TAS2R1: variants seen among roughly 807,000 people sequenced by gnomAD.
The protein encoded by TAS2R1 is taste 2 receptor member 1.
For missense variants in TAS2R1, 370 were observed against 353.4 expected (o/e 1.05, Z -0.38); for synonymous variants, 141 against 134.2 (o/e 1.05, Z -0.35).
rs1739778032 is a variant in TAS2R1 at position 9,627,511 on chromosome 5, G to C, written c.*1622C>G. Among the ~76,000 whole-genome samples, 1 of 152,054 alleles carries C rather than the reference G, an allele frequency of 6.6e-6. No homozygotes were observed. Among genetic ancestry groups the C allele is most frequent in the Admixed American group, 6.6e-5 (1 of 15,264 alleles). ...TAGTATCAGAAAAAAAAACACATGA[G>C]AGTTGTATCATGACAAATTTCTCCC... On this transcript the variant is annotated 3_prime_UTR_variant, in exon 1 of 1. Transcript: ENST00000382492.
chr5:9,893,546 A>G, the TAS2R1 span, among the ~76,000 whole-genome samples: 1 of 152,164 alleles, frequency 6.6e-6, no homozygotes, highest in South Asian at 2.1e-4. Context: ...TCCACTTCAA[A>G]ATTTTTTTTA....
the TAS2R1 span, among the ~76,000 whole-genome samples, chr5:9,857,049 C>T: frequency 2.6e-5 from 4 of 152,228 alleles, no homozygotes; most frequent in South Asian, 8.3e-4. Context: ...ACAAACATTG[C>T]ATGTTCTCAC....
At chr5:9,902,869 C>A in the TAS2R1 span, 8 of 151,284 alleles carry the variant, frequency 5.3e-5, no homozygotes, top group African/African-American at 1.9e-4. Flanking sequence ...CGGTGGCTAT[C>A]GGAGAAAAAA....
At chr5:9,748,922 AC>A in the TAS2R1 span, among the ~76,000 whole-genome samples, 1 of 152,150 alleles carries the variant, frequency 6.6e-6, no homozygotes, top group South Asian at 2.1e-4. Flanking sequence ...CCTCCCAAAC[AC>A]CAAAAATACC....
the TAS2R1 span, among the ~76,000 whole-genome samples, chr5:9,771,302 G>A: frequency 6.6e-6 from 1 of 152,056 alleles, no homozygotes; most frequent in Admixed American, 6.6e-5. Flanking sequence ...TCATTCTGTT[G>A]ATATGATGTA....
the TAS2R1 span, among the ~76,000 whole-genome samples, chr5:9,762,804 A>C: frequency 2.2e-4 from 34 of 152,196 alleles, no homozygotes; most frequent in Admixed American, 2.2e-3. Flanking sequence ...TGCAATTTGT[A>C]AGAGTTCCCT....
At chr5:9,674,433 T>C (rs544606037) in intron 1 of TAS2R1, among the ~76,000 whole-genome samples, 3 of 152,256 alleles carry the variant, frequency 2.0e-5, no homozygotes, top group South Asian at 2.1e-4. Flanking sequence ...AATGTTTATA[T>C]AAAAATTATA....
At chr5:9,819,984 T>C in the TAS2R1 span, among the ~76,000 whole-genome samples, 2 of 151,976 alleles carry the variant, frequency 1.3e-5, no homozygotes, top group Non-Finnish European at 2.9e-5. Context: ...CCATGAAACA[T>C]AAAGAGACCC....
At chr5:9,780,690 T>TGTGTGTGC in the TAS2R1 span, among the ~76,000 whole-genome samples, 75 of 152,004 alleles carry the variant, frequency 4.9e-4, no homozygotes, top group East Asian at 2.0e-3. Context: ...TGTGTGTGTG[T>TGTGTGTGC]GCGCGCGCGC....
intron 2 of TAS2R1, among the ~76,000 whole-genome samples, chr5:9,639,334 A>G (rs188282570): frequency 1.3e-5 from 2 of 151,086 alleles, no homozygotes; most frequent in Non-Finnish European, 1.5e-5. Flanking sequence ...ATTTGGCACA[A>G]CTCCCTAAAA....
At chr5:9,633,577 T>C (rs1739917209), upstream of TAS2R1, among the ~76,000 whole-genome samples, 1 of 151,924 alleles carries the variant, frequency 6.6e-6, no homozygotes, top group Admixed American at 6.6e-5. Flanking sequence ...AGTGTAAATG[T>C]GTTCCCTTTA....
the TAS2R1 span, among the ~76,000 whole-genome samples, chr5:9,808,229 T>G: frequency 6.6e-6 from 1 of 152,162 alleles, no homozygotes; most frequent in African/African-American, 2.4e-5. Flanking sequence ...TATGAGCCAT[T>G]CTGATGAAGT....
chr5:9,735,582 G>A, the TAS2R1 span, among the ~76,000 whole-genome samples: 1 of 151,970 alleles, frequency 6.6e-6, no homozygotes, highest in East Asian at 1.9e-4. Flanking sequence ...CAGGTTTATA[G>A]AAGAGAAACT....
intron 1 of TAS2R1, among the ~76,000 whole-genome samples, chr5:9,684,690 A>G: frequency 6.6e-6 from 1 of 152,152 alleles, no homozygotes; most frequent in Non-Finnish European, 1.5e-5. Context: ...CAGCTAGTAT[A>G]TTTCAAAAAG....
At chr5:9,701,210 G>T (rs1741472692) in intron 1 of TAS2R1, among the ~76,000 whole-genome samples, 1 of 134,632 alleles carries the variant, frequency 7.4e-6, no homozygotes, top group Admixed American at 7.8e-5. Flanking sequence ...TAGCAACATG[G>T]CAGACACGCA....
intron 1 of TAS2R1, among the ~76,000 whole-genome samples, chr5:9,677,304 GT>G (rs1312863371): frequency 1.3e-5 from 2 of 151,980 alleles, no homozygotes; most frequent in African/African-American, 4.8e-5. Flanking sequence ...CAACTAAGGG[GT>G]ACTGGCTTAA....
At position 9,673,538 on chromosome 5, in the gene TAS2R1, T is replaced by C. The variant is rs185172154; in HGVS notation, c.-241-13957A>G. ...TTAAACCCTACTCACTATTTTTTAT[T>C]TATAAATACTGAAATTCAAACAAAG... is the stretch of plus-strand genomic sequence containing the variant. On this transcript the variant is annotated intron_variant, in intron 1 of 2. Transcript: ENST00000506620. Among the ~76,000 whole-genome samples, 182 of 152,084 alleles carry C rather than the reference T, an allele frequency of 1.2e-3. 2 individuals carry two copies. Among genetic ancestry groups the C allele is most frequent in the African/African-American group, 4.1e-3 (169 of 41,568 alleles).
At chr5:9,878,159 C>T in the TAS2R1 span, among the ~76,000 whole-genome samples, 1 of 152,136 alleles carries the variant, frequency 6.6e-6, no homozygotes, top group Non-Finnish European at 1.5e-5. Flanking sequence ...ACAGTCACCT[C>T]AACATAATAT....
At chr5:9,657,813 T>C (rs1740444069) in intron 2 of TAS2R1, among the ~76,000 whole-genome samples, 1 of 152,206 alleles carries the variant, frequency 6.6e-6, no homozygotes. Context: ...TCTGGAGATC[T>C]GTCACACAAC....
Sources: allele counts gnomAD v4.1 joint callset (sites outside exome capture counted in the v4.1 genomes callset), GRCh38; gene constraint gnomAD v4.1.1; transcripts MANE v1.5; gene names NCBI Gene and HGNC (gene_info 2026-07-23, HGNC 2026-07-21).